Variants in GFRA1 observed in about 807,000 individuals in gnomAD.
GFRA1 encodes the protein GDNF family receptor alpha 1.
Under a neutral mutation model 51.6 loss-of-function variants are expected in GFRA1, and 16 were observed. The ratio of observed to expected loss-of-function variants is 0.31; its 90% CI spans 0.21 to 0.47. GFRA1 has a LOEUF of 0.47. GFRA1 is among the 20% of genes least tolerant of loss of function. The pLI is 1.00. For synonymous variants in GFRA1, 270 were observed against 241.3 expected, an observed-to-expected ratio of 1.12 and a Z score of -1.10; for missense variants, 530 against 594.3, an observed-to-expected ratio of 0.89 and a Z score of 1.13.
chr10:116,239,293 AATT>A (rs1385781641), intron 4 of GFRA1, among the ~76,000 whole-genome samples: 1 of 152,178 alleles, frequency 6.6e-6, no homozygotes, highest in African/African-American at 2.4e-5. Context: ...TTTGTTTTAT[AATT>A]ATTATTATCA....
chr10:116,170,618 A>G (rs1384170783), intron 5 of GFRA1, among the ~76,000 whole-genome samples: 1 of 152,194 alleles, frequency 6.6e-6, no homozygotes, highest in Non-Finnish European at 1.5e-5. Flanking sequence ...ATTTATTCAC[A>G]TTCATTAAGG....
intron 4 of GFRA1, among the ~76,000 whole-genome samples, chr10:116,251,060 G>T (rs756511319): frequency 6.6e-6 from 1 of 152,134 alleles, no homozygotes; most frequent in African/African-American, 2.4e-5. Context: ...CGTGTAAAAG[G>T]GTCCCCTTCT....
chr10:116,121,388 C>T (rs1957637268), intron 6 of GFRA1, among the ~76,000 whole-genome samples: 1 of 152,178 alleles, frequency 6.6e-6, no homozygotes, highest in Non-Finnish European at 1.5e-5. Flanking sequence ...GAGGCCCAAA[C>T]AGTCAGGCTC....
At chr10:116,218,916 A>G (rs969127195) in intron 4 of GFRA1, among the ~76,000 whole-genome samples, 1 of 152,080 alleles carries the variant, frequency 6.6e-6, no homozygotes, top group Non-Finnish European at 1.5e-5. Flanking sequence ...CTTTTATCAT[A>G]TTAGAAATGA....
At chr10:116,264,602 G>A (rs1257066917) in intron 4 of GFRA1, among the ~76,000 whole-genome samples, 1 of 152,218 alleles carries the variant, frequency 6.6e-6, no homozygotes, top group African/African-American at 2.4e-5. Context: ...TTCCAGCAAA[G>A]GCCTTCAGAG....
intron 4 of GFRA1, among the ~76,000 whole-genome samples, chr10:116,229,041 C>G (rs1247773288): frequency 7.3e-6 from 1 of 137,740 alleles, no homozygotes; most frequent in Non-Finnish European, 1.6e-5. Flanking sequence ...ACGGAAAAGG[C>G]AAGGAGACAG....
At chr10:116,169,417 GA>G (rs1960812223) in intron 5 of GFRA1, among the ~76,000 whole-genome samples, 2 of 152,212 alleles carry the variant, frequency 1.3e-5, no homozygotes, top group African/African-American at 4.8e-5. Flanking sequence ...GGACCTAAAC[GA>G]AAACTTCACA....
intron 9 of GFRA1, among the ~76,000 whole-genome samples, chr10:116,088,261 T>A (rs1419117823): frequency 6.7e-6 from 1 of 149,444 alleles, no homozygotes; most frequent in East Asian, 2.0e-4. Flanking sequence ...AAAGAAGGCA[T>A]CTTGTGAGAA....
intron 7 of GFRA1, 35 bp from the exon 8 acceptor site, chr10:116,093,871 A>G (rs1004520191): frequency 6.2e-7 from 1 of 1,610,034 alleles, no homozygotes; most frequent in East Asian, 2.2e-5. Context: ...TTATTGTTGT[A>G]TGATGATACT....
chr10:116,120,486 G>T (rs997354454), intron 6 of GFRA1, among the ~76,000 whole-genome samples: 5 of 152,188 alleles, frequency 3.3e-5, no homozygotes, highest in African/African-American at 1.2e-4. Flanking sequence ...ATGGGAGGCT[G>T]AGATGAGGGG....
chr10:116,096,670 A>AG lies in GFRA1; in HGVS notation c.864dup (p.Tyr289LeufsTer18). ...CGGATCTTACCAATAAGCCCCGAGT[A>AG]GGCGAGGAGGCAGTCAGCGTAGTTT... On this transcript the variant is annotated frameshift_variant, in exon 7 of 11. Transcript: ENST00000355422. LOFTEE classifies it high-confidence loss of function. 1 of 1,589,908 alleles carries AG rather than the reference A, an allele frequency of 6.3e-7. No homozygotes were observed. The highest frequency in any genetic ancestry group is 8.6e-7 in the Non-Finnish European group (1 of 1,158,284).
chr10:116,133,668 G>C (rs1393689587), intron 5 of GFRA1, among the ~76,000 whole-genome samples: 1 of 152,210 alleles, frequency 6.6e-6, no homozygotes, highest in African/African-American at 2.4e-5. Flanking sequence ...ATAAAATGTG[G>C]TGATGAGGGA....
At chr10:116,120,164 T>C (rs1324791460) in intron 6 of GFRA1, among the ~76,000 whole-genome samples, 3 of 152,188 alleles carry the variant, frequency 2.0e-5, no homozygotes, top group Non-Finnish European at 4.4e-5. Flanking sequence ...GTATCATATC[T>C]CCAGCAGGGT....
At chr10:116,172,646 T>C (rs994051898) in intron 5 of GFRA1, among the ~76,000 whole-genome samples, 5 of 152,090 alleles carry the variant, frequency 3.3e-5, no homozygotes, top group African/African-American at 1.2e-4. Context: ...AGGGCACATC[T>C]GGGGAATTCT....
At chr10:116,251,153 C>A (rs918815830) in intron 4 of GFRA1, among the ~76,000 whole-genome samples, 4 of 152,220 alleles carry the variant, frequency 2.6e-5, no homozygotes, top group Non-Finnish European at 4.4e-5. Context: ...CATTTTAATT[C>A]ATATGCCTCC....
At chr10:116,273,444 G>C (rs1362856909), upstream of GFRA1, 1 of 152,140 alleles carries the variant, frequency 6.6e-6, no homozygotes, top group African/African-American at 2.4e-5. Context: ...GGCGTGTTCC[G>C]AGGCCAGATT....
chr10:116,256,291 A>T (rs1255378320), intron 4 of GFRA1, among the ~76,000 whole-genome samples: 1 of 152,076 alleles, frequency 6.6e-6, no homozygotes, highest in African/African-American at 2.4e-5. Flanking sequence ...TCTGCAGCAC[A>T]TATATTTTTT....
chr10:116,240,642 C>T (rs1345763754), intron 4 of GFRA1, among the ~76,000 whole-genome samples: 1 of 152,176 alleles, frequency 6.6e-6, no homozygotes, highest in Admixed American at 6.5e-5. Flanking sequence ...GCGGCATGAT[C>T]TGCCCTCCAA....
At chr10:116,243,278 G>A (rs939983873) in intron 4 of GFRA1, among the ~76,000 whole-genome samples, 1 of 152,112 alleles carries the variant, frequency 6.6e-6, no homozygotes, top group Non-Finnish European at 1.5e-5. Flanking sequence ...GAAATGAAGT[G>A]GGGAGGGAGG....
Sources: gnomAD v4.1 joint callset for allele counts (sites outside exome capture counted in the v4.1 genomes callset) on GRCh38, gnomAD v4.1.1 for gene constraint, MANE v1.5 for transcripts, NCBI Gene and HGNC (gene_info 2026-07-23, HGNC 2026-07-21) for gene names.